The following SEMA4D variants were observed in gnomAD, a reference collection of about 807,000 sequenced individuals.
SEMA4D encodes semaphorin 4D.
Under a neutral mutation model 74.8 loss-of-function variants are expected in SEMA4D, and 22 were observed. The observed-to-expected ratio is 0.29, with a 90% confidence interval of 0.21 to 0.42. SEMA4D has a LOEUF of 0.42. Among genes scored for constraint, SEMA4D ranks in the 10% least tolerant of loss-of-function variants. The pLI, the probability that SEMA4D is intolerant of heterozygous loss-of-function variation, is 1.00. For synonymous variants in SEMA4D, 445 were observed against 463.7 expected (o/e 0.96, Z 0.52); for missense variants, 937 against 1,118.4 (o/e 0.84, Z 2.31).
chr9:89,427,294 AGTCAC>A (rs1326684364), intron 2 of SEMA4D, among the ~76,000 whole-genome samples: 1 of 152,190 alleles, frequency 6.6e-6, no homozygotes, highest in Non-Finnish European at 1.5e-5. Flanking sequence ...TGATACAGTC[AGTCAC>A]TCAGGTCCAT....
At chr9:89,383,941 C>T (rs192939339) in intron 13 of SEMA4D, among the ~76,000 whole-genome samples, 338 of 152,244 alleles carry the variant, frequency 2.2e-3, no homozygotes, top group African/African-American at 7.7e-3. Context: ...CCATCTCTGT[C>T]TCTGCTGCTG....
chr9:89,445,271 T>G (rs964090811), intron 2 of SEMA4D, among the ~76,000 whole-genome samples: 1 of 152,200 alleles, frequency 6.6e-6, no homozygotes, highest in Non-Finnish European at 1.5e-5. Context: ...CTGAAACCCA[T>G]GCACTGAATG....
intron 2 of SEMA4D, among the ~76,000 whole-genome samples, chr9:89,447,029 C>G (rs1002589982): frequency 6.6e-6 from 1 of 152,122 alleles, no homozygotes; most frequent in African/African-American, 2.4e-5. Flanking sequence ...TCCATCTCAT[C>G]TCCCAGGCCC....
At chr9:89,373,503 C>T (rs147158817), downstream of SEMA4D, among the ~76,000 whole-genome samples, 483 of 152,262 alleles carry the variant, frequency 3.2e-3, 1 homozygote, top group African/African-American at 0.011. Flanking sequence ...GGGGGTGAGA[C>T]GCTCCCCAAG....
chr9:89,458,073 A>T (rs1418072296), intron 1 of SEMA4D, among the ~76,000 whole-genome samples: 1 of 152,130 alleles, frequency 6.6e-6, no homozygotes, highest in East Asian at 1.9e-4. Context: ...AACCCTGAGG[A>T]GGTGACCTTG....
chr9:89,392,653 T>TG (rs1433292255), intron 7 of SEMA4D, 117 bp from the exon 8 acceptor site: 3 of 676,946 alleles, frequency 4.4e-6, no homozygotes, highest in Non-Finnish European at 7.9e-6. Context: ...AGTCCCTGCC[T>TG]GGGGAAAGGG....
chr9:89,435,704 GCTCCACCTAC>G (rs1256425907), intron 2 of SEMA4D, among the ~76,000 whole-genome samples: 17 of 152,136 alleles, frequency 1.1e-4, no homozygotes, highest in African/African-American at 4.1e-4. Flanking sequence ...AGTCCTACAG[GCTCCACCTAC>G]GCCCCACCCG....
At position 89,379,141 on chromosome 9, in the gene SEMA4D, G is replaced by A. The variant is rs921346331; in HGVS notation, c.2152C>T (p.Pro718Ser). ...ATGGTTTTCTCCGAGTGGAGCTGGG[G>A]GACCGTGTTGATGACGATCTTTGGT... ...CEPKIVINTVPQLHSEKTMYL... is the reference protein window; with the variant it reads ...CEPKIVINTVSQLHSEKTMYL... The change falls in exon 16 of 16, where the codon CCC (proline) becomes TCC (serine). Residue 718 changes from proline to serine, a missense_variant. By Grantham distance (74) the Pro-to-Ser change is moderately conservative (BLOSUM62 -1). Transcript: ENST00000422704. The A allele has an allele frequency of 1.2e-6, 2 of 1,614,202 alleles. No individual in the cohort carries two copies. The highest frequency in any genetic ancestry group is 1.7e-6 in the Non-Finnish European group (2 of 1,180,048).
chr9:89,418,332 A>C, intron 2 of SEMA4D: 1 of 975,030 alleles, frequency 1.0e-6, no homozygotes, highest in Non-Finnish European at 1.2e-6. Flanking sequence ...CCCACCCACG[A>C]ACAGAGGGGA....
chr9:89,381,401 A>G lies in SEMA4D; in HGVS notation c.1447-55T>C, dbSNP rs1837026570. ...ATCAGGCAAGCAGGCATCCAGGAGCATGGCCTCTGCTTCTGCACCAGTGTG... is the reference window on the plus strand; with the variant it reads ...ATCAGGCAAGCAGGCATCCAGGAGCGTGGCCTCTGCTTCTGCACCAGTGTG... On this transcript the variant is annotated intron_variant, in intron 13 of 15. Transcript: ENST00000422704. The surrounding 1 kb of genome is among the most constrained non-coding windows in gnomAD (Gnocchi z 4.6). 1.4e-6 allele frequency: 2 copies of G among 1,428,882 alleles called. No homozygotes were observed. Among genetic ancestry groups the G allele is most frequent in the South Asian group, 1.5e-5 (1 of 66,964 alleles). 88.5% of individuals were successfully genotyped at this position (1,428,882 alleles called of 1,614,324 possible). A position where few individuals can be genotyped will look rare whatever the true frequency, so the allele number is the denominator to read the frequency against.
In SEMA4D at chr9:89,387,040, G is replaced by A. The variant is rs73654773; in HGVS notation, c.1330+346C>T. 1,392 of 242,874 alleles carry A rather than the reference G, an allele frequency of 5.7e-3. 18 individuals are homozygous for A. The highest frequency in any genetic ancestry group is 0.029 in the African/African-American group (1,267 of 44,338). The allele number at this position is 242,874 out of a possible 1,614,324, so 15.0% of individuals were successfully genotyped here. ...GGTCCTCTGCCAGCAGTCAGGAAAC[G>A]CCAGGCTGACGCCTCCTCCCAGGTG... On this transcript the variant is annotated intron_variant, in intron 12 of 15. Coordinates refer to ENST00000422704, the MANE Select transcript of SEMA4D (RefSeq NM_001371194.2).
chr9:89,379,715 A>G (rs1836573440), intron 15 of SEMA4D, 86 bp from the exon 16 acceptor site: 3 of 1,445,578 alleles, frequency 2.1e-6, no homozygotes, highest in East Asian at 4.6e-5. Context: ...AAGATGACGC[A>G]AGAGTTTCAC....
Position 89,391,299 on chromosome 9 carries a change from T to G in SEMA4D, c.739A>C (p.Arg247=). 1 of 1,614,250 alleles carries G rather than the reference T, an allele frequency of 6.2e-7. No individual in the cohort carries two copies. The highest frequency in any genetic ancestry group is 8.5e-7 in the Non-Finnish European group (1 of 1,180,042). Residue 247 remains arginine, a synonymous_variant, in exon 9 of 16, where the codon AGG becomes CGG. Transcript: ENST00000422704. The part of the protein sequence containing the change: ...EVSVEYEFVF[R]VLIPRIARVC... ...CTTGCTATCCGTGGGATCAGCACCC[T>G]GAACACAAACTCATACTCCACAGAC...
intron 4 of SEMA4D, among the ~76,000 whole-genome samples, 187 bp downstream of exon 4, chr9:89,402,682 CAA>C (rs71358575): frequency 1.4e-3 from 202 of 142,402 alleles, no homozygotes; most frequent in Middle Eastern, 3.6e-3. Context: ...ATAAAAAGTT[CAA>C]AAAAAAAAAA....
chr9:89,488,174 A>G (rs1049191474), intron 1 of SEMA4D, among the ~76,000 whole-genome samples: 6 of 152,142 alleles, frequency 3.9e-5, no homozygotes, highest in African/African-American at 1.2e-4. Context: ...GCACACAGAT[A>G]TGGTCAATTA....
chr9:89,441,779 A>AC (rs764212267), intron 2 of SEMA4D, among the ~76,000 whole-genome samples: 25 of 151,576 alleles, frequency 1.6e-4, no homozygotes, highest in Non-Finnish European at 3.4e-4. Flanking sequence ...CTGGGCCCTA[A>AC]CCCCCCTCCC....
chr9:89,371,807 G>GT, intron 16 of SEMA4D, among the ~76,000 whole-genome samples: 1 of 77,052 alleles, frequency 1.3e-5, no homozygotes, highest in South Asian at 5.2e-4. Context: ...GTGTGTGTGT[G>GT]GGGGGTGTGT....
rs1837038933 is a variant in SEMA4D, at chr9:89,381,446, A to AC, written c.1447-101dup. ...AGTGTGTGGGAAGCAGCCAGAGTGT[A>AC]CCTTCAGGGGACATTGCAGTAAGGA... On this transcript the variant is annotated intron_variant, in intron 13 of 15. Transcript: ENST00000422704. This position sits in a 1 kb window ranked among gnomAD's most constrained non-coding sequence, Gnocchi z 4.6. 2.5e-6 allele frequency: 3 copies of AC among 1,181,592 alleles called. No homozygotes were observed. The highest frequency in any genetic ancestry group is 3.5e-6 in the Non-Finnish European group (3 of 859,738). The allele number at this position is 1,181,592 out of a possible 1,614,324, so 73.2% of individuals were successfully genotyped here.
chr9:89,371,182 GGGGGTGTGGTGTGTATCT>G (rs1282291652), intron 16 of SEMA4D, among the ~76,000 whole-genome samples: 1 of 125,258 alleles, frequency 8.0e-6, no homozygotes, highest in African/African-American at 3.0e-5. Context: ...TGTGTGTGGG[GGGGGTGTGGTGTGTATCT>G]GGGGTGTGGT....
Sources: gnomAD v4.1 joint callset for allele counts (sites outside exome capture counted in the v4.1 genomes callset) on GRCh38, gnomAD v4.1.1 for gene constraint, Gnocchi (gnomAD v3.1) non-coding constraint, MANE v1.5 for transcripts, NCBI Gene and HGNC (gene_info 2026-07-23, HGNC 2026-07-21) for gene names.